KCNMA1: variants seen among roughly 807,000 people sequenced by gnomAD.
KCNMA1 encodes the protein Calcium-activated potassium channel subunit alpha-1.
In KCNMA1, 29 loss-of-function variants were observed where a neutral mutation model predicts 140.0. The observed-to-expected ratio is 0.21, with a 90% CI of 0.15 to 0.28. The LOEUF (loss-of-function observed/expected upper bound fraction) is 0.28, where lower values mean the gene tolerates loss of function less well. KCNMA1 is among the 10% of genes least tolerant of loss of function. The pLI is 1.00. For missense variants in KCNMA1, 880 were observed against 1,602.2 expected (o/e 0.55, Z 7.70); for synonymous variants, 612 against 611.9 (o/e 1.00, Z 0.00).
At chr10:77,086,768 C>A (rs1399985370) in intron 10 of KCNMA1, among the ~76,000 whole-genome samples, 175 bp from the exon 11 acceptor site, 1 of 152,148 alleles carries the variant, frequency 6.6e-6, no homozygotes, top group Non-Finnish European at 1.5e-5. Context: ...AAAACCCCAG[C>A]CCAACTGAAA....
At chr10:77,523,209 C>CT (rs1555416260) in intron 1 of KCNMA1, among the ~76,000 whole-genome samples, 3 of 149,882 alleles carry the variant, frequency 2.0e-5, no homozygotes, top group African/African-American at 7.4e-5. Context: ...ACGTGCCCCC[C>CT]CCCCTTGCAA....
At chr10:77,457,926 T>C (rs2097787029) in intron 1 of KCNMA1, among the ~76,000 whole-genome samples, 1 of 152,184 alleles carries the variant, frequency 6.6e-6, no homozygotes, top group Non-Finnish European at 1.5e-5. Context: ...AAAAACTGTT[T>C]ACTGCCTTTT....
intron 20 of KCNMA1, among the ~76,000 whole-genome samples, chr10:76,968,984 T>C (rs901663113): frequency 1.3e-5 from 2 of 152,040 alleles, no homozygotes; most frequent in African/African-American, 4.8e-5. Context: ...ACAAAACTAA[T>C]GTCAAGATGG....
intron 23 of KCNMA1, among the ~76,000 whole-genome samples, chr10:76,935,705 C>G (rs1196069337): frequency 6.6e-6 from 1 of 152,170 alleles, no homozygotes; most frequent in Non-Finnish European, 1.5e-5. Context: ...GATGCTAAAA[C>G]CATAAGTTCA....
At chr10:76,972,953 T>G (rs2076483217) in intron 19 of KCNMA1, 1 of 152,248 alleles carries the variant, frequency 6.6e-6, no homozygotes, top group Non-Finnish European at 1.5e-5. Flanking sequence ...AAACTTTTAG[T>G]TAAGCTATAA....
chr10:76,891,068 T>C (rs2039840125), intron 26 of KCNMA1, among the ~76,000 whole-genome samples: 1 of 152,218 alleles, frequency 6.6e-6, no homozygotes, highest in African/African-American at 2.4e-5. Context: ...TATTAATGTA[T>C]AGTTGGGTTG....
chr10:77,144,736 T>C (rs1018005482), intron 5 of KCNMA1, among the ~76,000 whole-genome samples: 1 of 152,192 alleles, frequency 6.6e-6, no homozygotes, highest in Non-Finnish European at 1.5e-5. Context: ...TGTAACCCTG[T>C]AAATTCCCTC....
At chr10:77,279,705 C>A (rs943887779) in intron 2 of KCNMA1, among the ~76,000 whole-genome samples, 1 of 152,124 alleles carries the variant, frequency 6.6e-6, no homozygotes, top group South Asian at 2.1e-4. Flanking sequence ...ACAATTCCCA[C>A]ATGTCATGGG....
At chr10:77,007,653 GTATATATATATA>G (rs60937323) in intron 18 of KCNMA1, among the ~76,000 whole-genome samples, 1 of 88,480 alleles carries the variant, frequency 1.1e-5, no homozygotes. Flanking sequence ...TTGTGTGTGT[GTATATATATATA>G]TATATATATA....
chr10:77,453,136 G>T (rs2154520913), intron 1 of KCNMA1, among the ~76,000 whole-genome samples: 1 of 152,198 alleles, frequency 6.6e-6, no homozygotes, highest in East Asian at 1.9e-4. Flanking sequence ...GATAACTGGG[G>T]ATTCCAGCCT....
intron 3 of KCNMA1, among the ~76,000 whole-genome samples, chr10:77,240,605 A>G (rs1401384835): frequency 1.3e-5 from 2 of 152,228 alleles, no homozygotes; most frequent in Non-Finnish European, 2.9e-5. Context: ...AAGTACTTTA[A>G]GAGTTTTGGA....
intron 5 of KCNMA1, among the ~76,000 whole-genome samples, chr10:77,177,270 T>G (rs1355435510): frequency 6.6e-6 from 1 of 151,592 alleles, no homozygotes; most frequent in Non-Finnish European, 1.5e-5. Context: ...TCCTTCCTTC[T>G]TTCCTTTCTT....
chr10:77,203,513 T>C (rs982340443), intron 3 of KCNMA1, among the ~76,000 whole-genome samples: 1 of 152,132 alleles, frequency 6.6e-6, no homozygotes, highest in African/African-American at 2.4e-5. Context: ...GTGGCGCTCA[T>C]CACTCATGAA....
chr10:76,908,094 G>T (rs916295909), intron 25 of KCNMA1, among the ~76,000 whole-genome samples: 3 of 152,082 alleles, frequency 2.0e-5, no homozygotes, highest in Non-Finnish European at 1.5e-5. Context: ...TCTGTAATTA[G>T]GATCAGAACT....
At chr10:77,435,535 G>A (rs2097243908) in intron 1 of KCNMA1, among the ~76,000 whole-genome samples, 2 of 152,252 alleles carry the variant, frequency 1.3e-5, no homozygotes, top group South Asian at 4.1e-4. Flanking sequence ...AAGAAAACTG[G>A]AAATGAACTA....
At chr10:77,201,994 G>A (rs1418466316) in intron 3 of KCNMA1, among the ~76,000 whole-genome samples, 1 of 152,114 alleles carries the variant, frequency 6.6e-6, no homozygotes, top group East Asian at 1.9e-4. Flanking sequence ...TCCTGTTTTT[G>A]CAACTTCTTG....
intron 14 of KCNMA1, among the ~76,000 whole-genome samples, chr10:77,056,100 G>T (rs1473542593): frequency 1.3e-5 from 2 of 152,202 alleles, no homozygotes; most frequent in Non-Finnish European, 2.9e-5. Flanking sequence ...AGCCGATCAG[G>T]CCGGGCGCAG....
At chr10:77,203,959 G>A (rs2154160259) in intron 3 of KCNMA1, among the ~76,000 whole-genome samples, 1 of 152,122 alleles carries the variant, frequency 6.6e-6, no homozygotes, top group East Asian at 1.9e-4. Flanking sequence ...AGCTGGGCAT[G>A]GTGGCGGGTT....
At chr10:77,186,100 G>C (rs16934349) in intron 3 of KCNMA1, among the ~76,000 whole-genome samples, 1 of 152,092 alleles carries the variant, frequency 6.6e-6, no homozygotes, top group Non-Finnish European at 1.5e-5. Context: ...TAAGGACAAC[G>C]CTTGGCTGTT....
Sources: allele counts gnomAD v4.1 joint callset (sites outside exome capture counted in the v4.1 genomes callset), GRCh38; gene constraint gnomAD v4.1.1; transcripts MANE v1.5; gene names NCBI Gene and HGNC (gene_info 2026-07-23, HGNC 2026-07-21).